Variants in FBN3 observed in about 807,000 individuals in gnomAD.
FBN3 encodes fibrillin 3, also known as fibrillin-3.
FBN3 carries 234 observed loss-of-function variants against 330.1 expected under a neutral mutation model. The observed-to-expected ratio is 0.71, with a 90% confidence interval of 0.64 to 0.79. The LOEUF is 0.79. FBN3 is among the 30% of genes least tolerant of loss of function. The pLI is 0.00. For synonymous variants in FBN3, 1,458 were observed against 1,517.3 expected (o/e 0.96, Z 0.91); for missense variants, 3,606 against 3,886.9 (o/e 0.93, Z 1.92).
intron 13 of FBN3, 26 bp downstream of exon 13, chr19:8,135,935 T>TTGGGGGGGGGGGGGGGC: frequency 1.2e-4 from 162 of 1,344,134 alleles, no homozygotes; most frequent in Non-Finnish European, 1.5e-4. Flanking sequence ...CGGAAGCCCC[T>TTGGGGGGGGGGGGGGGC]GCCCACCCGC....
In FBN3 at chr19:8,075,112, G is replaced by T; in HGVS notation, c.7661C>A (p.Pro2554His). 1 of 1,594,592 alleles carries T rather than the reference G, an allele frequency of 6.3e-7. No individual in the cohort carries two copies. ...CTGGGAGTGCTGGGTGAAACCCTGG[G>T]GGCAGCTGCAGCGGTAGCCCCCTAG... ...NQLGGYRCSCPQGFTQHSQWA... is the reference protein window; with the variant it reads ...NQLGGYRCSCHQGFTQHSQWA... The change falls in exon 61 of 64, where the codon CCC becomes CAC. Residue 2554 changes from proline (P) to histidine (H), a missense_variant. Coordinates refer to ENST00000600128, the MANE Select transcript of FBN3 (RefSeq NM_032447.5).
In FBN3 at chr19:8,123,553, G is replaced by A. The variant is rs61729603; in HGVS notation, c.2993C>T (p.Thr998Met). 3.1e-3 allele frequency: 4,952 copies of A among 1,614,126 alleles called. 140 individuals carry two copies. In the African/African-American group the frequency reaches 0.056, roughly 18 times the overall value. The change falls in exon 24 of 64, where the codon ACG (threonine) becomes ATG (methionine). Residue 998 changes from threonine to methionine, a missense_variant. Transcript: ENST00000600128. ...NECKVFPGLC[T>M]HGTCRNTVGS... ...CACCGTGTTTCTGCAGGTACCGTGC[G>A]TGCAGAGGCCAGGGAACACCTTGCA...
chr19:8,120,132 TTTTTC>T (rs1278575507), intron 25 of FBN3, among the ~76,000 whole-genome samples: 9 of 151,368 alleles, frequency 5.9e-5, no homozygotes, highest in Non-Finnish European at 8.8e-5. Flanking sequence ...ATTTTGCATT[TTTTTC>T]TTTTCTTTTC....
chr19:8,115,501 G>T lies in FBN3; in HGVS notation c.3838+14C>A. The T allele has an allele frequency of 6.2e-7, 1 of 1,613,058 alleles. No homozygotes were observed. Among genetic ancestry groups the T allele is most frequent in the South Asian group, 1.1e-5 (1 of 90,992 alleles). On this transcript the variant is annotated intron_variant, in intron 30 of 63. Coordinates refer to ENST00000600128, the MANE Select transcript of FBN3 (RefSeq NM_032447.5). The stretch of plus-strand genomic sequence containing the variant: ...GGGAGTCCCCTCTGCCTGCACCGCT[G>T]ACCGCCGGCTCACCAGAGCAGCCTG...
At chr19:8,090,311 T>G (rs1473443043) in intron 48 of FBN3, 60 bp from the exon 49 acceptor site, 1 of 1,591,742 alleles carries the variant, frequency 6.3e-7, no homozygotes, top group Non-Finnish European at 8.6e-7. Flanking sequence ...CACCTGCCCC[T>G]GTGACCTCCC....
intron 25 of FBN3, among the ~76,000 whole-genome samples, chr19:8,120,830 G>A (rs2082829781): frequency 6.6e-6 from 1 of 152,176 alleles, no homozygotes; most frequent in Admixed American, 6.5e-5. Context: ...TTCCTGTTAG[G>A]CTGTGAGCTC....
intron 1 of FBN3, chr19:8,148,953 G>A (rs1029786756): frequency 4.6e-5 from 7 of 153,166 alleles, no homozygotes; most frequent in African/African-American, 1.7e-4. Context: ...TCGGGTGGGG[G>A]AATTAGGTGG....
chr19:8,123,880 A>G lies in FBN3; in HGVS notation c.2860T>C (p.Cys954Arg). 6.2e-7 allele frequency: 1 copy of G among 1,613,576 alleles called. No individual in the cohort carries two copies. Among genetic ancestry groups the G allele is most frequent in the Non-Finnish European group, 8.5e-7 (1 of 1,180,004 alleles). ...GAVWGVECEA[C>R]PDPESLEFAS... Reference sequence around the variant, plus strand: ...AACTCCAGAGACTCGGGATCCGGGCAGGCCTCGCACTCGACTCCCCACACG... The same window carrying G: ...AACTCCAGAGACTCGGGATCCGGGCGGGCCTCGCACTCGACTCCCCACACG... The change falls in exon 23 of 64, where the codon TGC becomes CGC. Residue 954 changes from cysteine to arginine, a missense_variant. Cys to Arg is a radical substitution (Grantham distance 180, BLOSUM62 -3). Coordinates refer to ENST00000600128, the MANE Select transcript of FBN3 (RefSeq NM_032447.5).
intron 38 of FBN3, 106 bp downstream of exon 38, chr19:8,106,002 C>T: frequency 7.2e-7 from 1 of 1,386,742 alleles, no homozygotes; most frequent in South Asian, 1.3e-5. Context: ...GGGCAGAAGC[C>T]TTTCCATGAG....
intron 59 of FBN3, among the ~76,000 whole-genome samples, chr19:8,078,669 C>T (rs965052090): frequency 3.9e-5 from 6 of 151,976 alleles, no homozygotes; most frequent in Admixed American, 3.3e-4. Context: ...CCTGCCTCAG[C>T]CTCCCAAAAT....
At chr19:8,092,448 C>T (rs924564674) in intron 47 of FBN3, among the ~76,000 whole-genome samples, 2 of 151,990 alleles carry the variant, frequency 1.3e-5, no homozygotes, top group Non-Finnish European at 2.9e-5. Flanking sequence ...CACAGTGGCT[C>T]ACACCTGTAA....
chr19:8,099,276 A>ATTTTTTT (rs386388494), intron 41 of FBN3, among the ~76,000 whole-genome samples: 5 of 98,886 alleles, frequency 5.1e-5, no homozygotes, highest in East Asian at 3.1e-4. Flanking sequence ...TCATGGTTTG[A>ATTTTTTT]TTTTTTTTTT....
At position 8,110,960 on chromosome 19, in the gene FBN3, G is replaced by A. The variant is rs771603344; in HGVS notation, c.4218C>T (p.Asp1406=). The change falls in exon 34 of 64, where the codon GAC becomes GAT. Residue 1406 remains aspartate, a synonymous_variant. Transcript: ENST00000600128. ...CACAGAGGTTCCCTTGCGCACACTC[G>A]TCCACATCTGCGGGGACCCTGGGTC... is the stretch of plus-strand genomic sequence containing the variant. The part of the protein sequence containing the change: ...TEDHRACQDV[D]ECAQGNLCAF... 25 of 1,614,066 alleles carry A rather than the reference G, an allele frequency of 1.5e-5. No individual in the cohort carries two copies. The highest frequency in any genetic ancestry group is 2.0e-5 in the Non-Finnish European group (24 of 1,180,048).
Position 8,138,395 on chromosome 19 carries a change from C to A in FBN3, c.1018+17G>T. On this transcript the variant is annotated intron_variant, in intron 9 of 63. Coordinates refer to ENST00000600128, the MANE Select transcript of FBN3 (RefSeq NM_032447.5). The stretch of plus-strand genomic sequence containing the variant: ...CCCTCCTCACCCACAGCCCTGCAGG[C>A]TGCAGCTCTTACTCACTGGAGCCCC... The A allele has an allele frequency of 6.2e-7, 1 of 1,610,450 alleles. No individual in the cohort carries two copies. The highest frequency in any genetic ancestry group is 8.5e-7 in the Non-Finnish European group (1 of 1,177,790).
chr19:8,083,437 CCTT>C lies in FBN3; in HGVS notation c.7088-68_7088-66del, dbSNP rs777539230. The C allele has an allele frequency of 3.0e-5, 47 of 1,585,388 alleles. No homozygotes were observed. In the African/African-American group the frequency reaches 4.3e-4, roughly 14 times the overall value. On this transcript the variant is annotated intron_variant, in intron 56 of 63. Transcript: ENST00000600128. The stretch of plus-strand genomic sequence containing the variant: ...TTCGCGCCTCCACCGAGGAATGTCT[CCTT>C]CTCTCTGCCCAGCAGCCGTCTCCTC...
chr19:8,088,485 T>C (rs2082017986), intron 51 of FBN3, among the ~76,000 whole-genome samples: 1 of 151,894 alleles, frequency 6.6e-6, no homozygotes, highest in Non-Finnish European at 1.5e-5. Flanking sequence ...GGAGGGTCAT[T>C]TGAGCCCAGG....
At chr19:8,101,087 C>T in intron 40 of FBN3, 115 bp from the exon 41 acceptor site, 1 of 702,940 alleles carries the variant, frequency 1.4e-6, no homozygotes, top group Non-Finnish European at 2.4e-6. Context: ...CCACCTTGAA[C>T]TTTTTTTGCT....
chr19:8,139,112 G>T (rs998056732), intron 8 of FBN3, among the ~76,000 whole-genome samples: 1 of 152,056 alleles, frequency 6.6e-6, no homozygotes, highest in African/African-American at 2.4e-5. Context: ...ACTTTGGGAG[G>T]CTGAGGCGGG....
intron 61 of FBN3, 30 bp downstream of exon 61, chr19:8,075,041 C>T (rs757854897): frequency 6.3e-7 from 1 of 1,594,578 alleles, no homozygotes; most frequent in Non-Finnish European, 8.5e-7. Context: ...TGGTGGAGGG[C>T]CCAGCTTCTT....
Sources: allele counts gnomAD v4.1 joint callset (sites outside exome capture counted in the v4.1 genomes callset), GRCh38; gene constraint gnomAD v4.1.1; transcripts MANE v1.5; gene names NCBI Gene and HGNC (gene_info 2026-07-23, HGNC 2026-07-21).